Variants in ZNF736 observed in about 807,000 individuals in gnomAD.
ZNF736 encodes KRAB-containing zinc-finger repressor protein.
A neutral mutation model predicts 11.7 loss-of-function variants in ZNF736; 6 were observed. The observed-to-expected ratio is 0.51, with a 90% confidence interval of 0.28 to 1.01. The LOEUF is 1.01. Among genes scored for constraint, ZNF736 ranks in the 50% least tolerant of loss-of-function variants. ZNF736 has a pLI of 0.09. For missense variants in ZNF736, 444 were observed against 496.0 expected (o/e 0.90, Z 1.00); for synonymous variants, 139 against 164.7 (o/e 0.84, Z 1.19).
intron 1 of ZNF736, among the ~76,000 whole-genome samples, chr7:64,330,045 A>T (rs637303): frequency 6.6e-6 from 1 of 151,988 alleles, no homozygotes; most frequent in East Asian, 1.9e-4. Context: ...CCCAGAGTCC[A>T]CAACAAGTAC....
chr7:64,337,035 G>A, intron 3 of ZNF736, 53 bp downstream of exon 3: 1 of 1,461,332 alleles, frequency 6.8e-7, no homozygotes, highest in Non-Finnish European at 9.4e-7. Context: ...CCAATGTCAA[G>A]GAGGAAGCCA....
chr7:64,343,222 T>G (rs1789363310), intron 3 of ZNF736, among the ~76,000 whole-genome samples: 1 of 152,156 alleles, frequency 6.6e-6, no homozygotes, highest in African/African-American at 2.4e-5. Flanking sequence ...CACATTGAAA[T>G]ACTACACAGC....
At chr7:64,340,635 G>A (rs1205897502) in intron 3 of ZNF736, among the ~76,000 whole-genome samples, 15 of 151,994 alleles carry the variant, frequency 9.9e-5, no homozygotes, top group South Asian at 4.1e-4. Context: ...TCAAACTCCC[G>A]GCCTAAAATG....
chr7:64,330,560 C>T (rs1354988804), intron 1 of ZNF736, among the ~76,000 whole-genome samples: 1 of 152,070 alleles, frequency 6.6e-6, no homozygotes, highest in Non-Finnish European at 1.5e-5. Context: ...ACGGCTACCC[C>T]ACTATGGCTG....
chr7:64,316,482 A>C (rs1788919662), intron 1 of ZNF736, among the ~76,000 whole-genome samples: 1 of 152,244 alleles, frequency 6.6e-6, no homozygotes, highest in African/African-American at 2.4e-5. Flanking sequence ...GGGAGTGTAT[A>C]AATTTGCAAA....
chr7:64,347,127 T>C (rs1789421415), intron 3 of ZNF736, among the ~76,000 whole-genome samples: 1 of 151,912 alleles, frequency 6.6e-6, no homozygotes, highest in Admixed American at 6.6e-5. Context: ...TGATACCAAT[T>C]TTTTAGGCTA....
chr7:64,347,770 T>A (rs10264008), intron 3 of ZNF736, among the ~76,000 whole-genome samples: 98,859 of 151,936 alleles, frequency 0.65, 33,103 homozygotes, highest in African/African-American at 0.82. Context: ...TTGGAGGGGG[T>A]AGACAGGAGT....
Position 64,348,349 on chromosome 7 carries a change from A to G in ZNF736, c.486A>G (p.Glu162=). ...RGFQLCSIFT[E]HKDIFSREKC... ...TTCAGTTGTGCTCAATCTTCACTGAACATAAAGACATTTTTAGCAGAGAGA... is the reference window on the plus strand; with the variant it reads ...TTCAGTTGTGCTCAATCTTCACTGAGCATAAAGACATTTTTAGCAGAGAGA... The change falls in exon 4 of 4, where the codon GAA becomes GAG. Residue 162 remains glutamate (E), a synonymous_variant. Coordinates refer to ENST00000423484, the MANE Select transcript of ZNF736 (RefSeq NM_001170905.3). 1 of 1,551,532 alleles carries G rather than the reference A, an allele frequency of 6.4e-7. No homozygotes were observed.
rs1347471886 is a variant in ZNF736, at chr7:64,337,765, T to G, written c.226+783T>G. Among the ~76,000 whole-genome samples the G allele has an allele frequency of 4.8e-4, 65 of 136,298 alleles. 1 individual carries two copies. Among genetic ancestry groups the G allele is most frequent in the African/African-American group, 1.7e-3 (63 of 37,188 alleles). The allele number at this position is 136,298 out of a possible 152,430, so 89.4% of individuals were successfully genotyped here. A position where few individuals can be genotyped will look rare whatever the true frequency, so the allele number is the denominator to read the frequency against. On this transcript the variant is annotated intron_variant, in intron 3 of 3. Coordinates refer to ENST00000423484, the MANE Select transcript of ZNF736 (RefSeq NM_001170905.3). Reference sequence around the variant, plus strand: ...TGTTTTGTTTTTTTTGGTTTTTTTTTTTTTTTGAGACAGAGTTTTGCTCTT... The same window carrying G: ...TGTTTTGTTTTTTTTGGTTTTTTTTGTTTTTTGAGACAGAGTTTTGCTCTT...
In ZNF736 at chr7:64,354,199, A is replaced by G. The variant is rs1789525463; in HGVS notation, c.*5052A>G. ...TTCTGAATTCTGAACAACTATTTAT[A>G]AAATTTTATCCTACTTTTTTCTGTT... On this transcript the variant is annotated 3_prime_UTR_variant, in exon 4 of 4. Transcript: ENST00000423484. 6.6e-6 allele frequency: 1 copy of G among 152,224 alleles called. No individual in the cohort carries two copies. The highest frequency in any genetic ancestry group is 1.5e-5 in the Non-Finnish European group (1 of 68,020). The allele number at this position is 152,224 out of a possible 1,614,324, so 9.4% of individuals were successfully genotyped here.
Position 64,349,340 on chromosome 7 carries a change from C to CTT in ZNF736, c.*201_*202dup. On this transcript the variant is annotated 3_prime_UTR_variant, in exon 4 of 4. Coordinates refer to ENST00000423484, the MANE Select transcript of ZNF736 (RefSeq NM_001170905.3). ...TAGCCCTTTGCTATTATGTAATGCC[C>CTT]TTTTTTTTTAAATCTATGTTAATTT... 1 of 414,848 alleles carries CTT rather than the reference C, an allele frequency of 2.4e-6. No individual in the cohort carries two copies. Among genetic ancestry groups the CTT allele is most frequent in the Non-Finnish European group, 4.2e-6 (1 of 240,360 alleles). The allele number at this position is 414,848 out of a possible 1,614,324, so 25.7% of individuals were successfully genotyped here.
intron 1 of ZNF736, among the ~76,000 whole-genome samples, chr7:64,315,064 T>C (rs1584262521): frequency 6.6e-6 from 1 of 152,192 alleles, no homozygotes; most frequent in East Asian, 1.9e-4. Context: ...AAGTTCATCA[T>C]TTAGAAGTGT....
At position 64,318,845 on chromosome 7, in the gene ZNF736, G is replaced by T. The variant is rs1788954346; in HGVS notation, c.3+4692G>T. ...CCTAGAGAGGGAGTTCATTGTAAAA[G>T]GGAGTAGAGCTTCAGACCTGAAAAG... On this transcript the variant is annotated intron_variant, in intron 1 of 3. Coordinates refer to ENST00000423484, the MANE Select transcript of ZNF736 (RefSeq NM_001170905.3). 2.0e-5 allele frequency among the ~76,000 whole-genome samples: 3 copies of T among 152,112 alleles called. No homozygotes were observed. In the South Asian group the frequency reaches 6.2e-4, roughly 32 times the overall value.
At position 64,336,317 on chromosome 7, in the gene ZNF736, T is replaced by C; in HGVS notation, c.62T>C (p.Leu21Pro). 3 of 1,613,722 alleles carry C rather than the reference T, an allele frequency of 1.9e-6. No individual in the cohort carries two copies. The highest frequency in any genetic ancestry group is 2.2e-5 in the East Asian group (1 of 44,800). The change falls in exon 2 of 4, where the codon CTG becomes CCG. Residue 21 changes from leucine to proline, a missense_variant. Leu to Pro is a moderately conservative substitution (Grantham distance 98). Transcript: ENST00000423484. Reference protein sequence around the residue: ...VEFSPEEWECLDSAQQRLYRD... With the variant: ...VEFSPEEWECPDSAQQRLYRD... ...TTCTCCCCAGAAGAGTGGGAATGCC[T>C]GGACTCTGCTCAGCAGCGTTTGTAT...
chr7:64,315,598 T>C (rs1023059068), intron 1 of ZNF736, among the ~76,000 whole-genome samples: 1 of 152,196 alleles, frequency 6.6e-6, no homozygotes, highest in Non-Finnish European at 1.5e-5. Context: ...TAGGTTTCCT[T>C]AGGCAGAATC....
Position 64,350,000 on chromosome 7 carries a change from TC to T in ZNF736, c.*854del, listed in dbSNP as rs2115977799. 1 of 152,260 alleles carries T rather than the reference TC, an allele frequency of 6.6e-6. No individual in the cohort carries two copies. The highest frequency in any genetic ancestry group is 1.9e-4 in the East Asian group (1 of 5,168). 9.4% of individuals were successfully genotyped at this position (152,260 alleles called of 1,614,324 possible). On this transcript the variant is annotated 3_prime_UTR_variant, in exon 4 of 4. Coordinates refer to ENST00000423484, the MANE Select transcript of ZNF736 (RefSeq NM_001170905.3). ...AGCTGCCTTTAACATATTTTTTCTTTCATTTTGACCCTGGAGAATCTCATGA... is the reference window on the plus strand; with the variant it reads ...AGCTGCCTTTAACATATTTTTTCTTTATTTTGACCCTGGAGAATCTCATGA...
intron 1 of ZNF736, among the ~76,000 whole-genome samples, chr7:64,316,133 C>T (rs1429188134): frequency 6.6e-6 from 1 of 152,170 alleles, no homozygotes. Context: ...CCACAAGGAC[C>T]ATATCTCTTG....
rs1349216013 is a variant in ZNF736 at position 64,336,139 on chromosome 7, C to T, written c.4-120C>T. 3.6e-6 allele frequency: 4 copies of T among 1,109,980 alleles called. No homozygotes were observed. The Admixed American group carries it at 9.6e-5, about 27-fold the overall frequency. 68.8% of individuals were successfully genotyped at this position (1,109,980 alleles called of 1,614,324 possible). ...GAATATTTCTGTGCTAGAAAGTATC[C>T]TACTGGATAACTCCAGTAACTCATA... is the stretch of plus-strand genomic sequence containing the variant. On this transcript the variant is annotated intron_variant, in intron 1 of 3. Transcript: ENST00000423484.
chr7:64,329,924 G>A (rs1208320720), intron 1 of ZNF736, among the ~76,000 whole-genome samples: 1 of 152,146 alleles, frequency 6.6e-6, no homozygotes, highest in Non-Finnish European at 1.5e-5. Flanking sequence ...AATCTACTTG[G>A]TGCTCTATTC....
Sources: gnomAD v4.1 joint callset for allele counts (sites outside exome capture counted in the v4.1 genomes callset) on GRCh38, gnomAD v4.1.1 for gene constraint, MANE v1.5 for transcripts, NCBI Gene and HGNC (gene_info 2026-07-23, HGNC 2026-07-21) for gene names.